The following TCF20 variants were observed in gnomAD, a reference collection of about 807,000 sequenced individuals.
TCF20 encodes the protein SPRE-binding protein.
TCF20 carries 3 observed loss-of-function variants against 148.6 expected under a neutral mutation model. The observed-to-expected ratio is 0.02, with a 90% CI of 0.01 to 0.05. The LOEUF (loss-of-function observed/expected upper bound fraction) is 0.05. Among genes scored for constraint, TCF20 ranks in the 10% least tolerant of loss-of-function variants. The pLI is 1.00. For synonymous variants in TCF20, 1,049 were observed against 909.5 expected (o/e 1.15, Z -2.76); for missense variants, 2,350 against 2,429.3 (o/e 0.97, Z 0.69).
chr22:42,262,008 T>C (rs899522602), intron 1 of TCF20, among the ~76,000 whole-genome samples: 1 of 151,176 alleles, frequency 6.6e-6, no homozygotes, highest in Non-Finnish European at 1.5e-5. Flanking sequence ...GTTCCAGAGG[T>C]GGGAAAGAGC....
chr22:42,309,121 C>T (rs1927486761), intron 1 of TCF20, among the ~76,000 whole-genome samples: 1 of 152,022 alleles, frequency 6.6e-6, no homozygotes, highest in Non-Finnish European at 1.5e-5. Context: ...GGGCAGGAGG[C>T]GGTGGACCAT....
intron 1 of TCF20, among the ~76,000 whole-genome samples, chr22:42,267,487 G>T (rs1403987502): frequency 6.6e-6 from 1 of 152,096 alleles, no homozygotes. Context: ...TGGATCATGA[G>T]GTCAAGAGAT....
chr22:42,307,565 T>A (rs1927457873), intron 1 of TCF20, among the ~76,000 whole-genome samples: 1 of 152,198 alleles, frequency 6.6e-6, no homozygotes, highest in African/African-American at 2.4e-5. Flanking sequence ...GCATGTACAT[T>A]CTGAAGCACT....
chr22:42,183,555 G>A (rs1936885479), intron 2 of TCF20, among the ~76,000 whole-genome samples: 1 of 152,150 alleles, frequency 6.6e-6, no homozygotes, highest in South Asian at 2.1e-4. Flanking sequence ...TTTTTAAAAG[G>A]CAAGGAAGCA....
intron 1 of TCF20, among the ~76,000 whole-genome samples, chr22:42,341,357 G>C (rs1180135939): frequency 6.6e-6 from 1 of 152,192 alleles, no homozygotes; most frequent in Non-Finnish European, 1.5e-5. Flanking sequence ...AACTCTCCCT[G>C]TTCCCCGGGA....
chr22:42,310,998 G>A (rs933737618), intron 1 of TCF20, among the ~76,000 whole-genome samples: 5 of 152,218 alleles, frequency 3.3e-5, no homozygotes, highest in African/African-American at 7.2e-5. Context: ...AAGAAAATAC[G>A]GCCTGGAGGG....
chr22:42,314,290 C>T (rs1178955323), intron 1 of TCF20, among the ~76,000 whole-genome samples: 2 of 152,248 alleles, frequency 1.3e-5, no homozygotes, highest in Non-Finnish European at 2.9e-5. Context: ...TAATGCGAAT[C>T]GCTTCTGTCA....
At chr22:42,201,729 T>C (rs900226884) in intron 2 of TCF20, among the ~76,000 whole-genome samples, 9 of 152,026 alleles carry the variant, frequency 5.9e-5, no homozygotes, top group African/African-American at 1.4e-4. Flanking sequence ...AATTGTGCCA[T>C]TGCGGTCCAG....
At chr22:42,198,975 A>T (rs1203404557) in intron 2 of TCF20, among the ~76,000 whole-genome samples, 1 of 151,998 alleles carries the variant, frequency 6.6e-6, no homozygotes, top group East Asian at 1.9e-4. Context: ...CCCTCCAAAT[A>T]TTTCCAATCT....
In TCF20 at chr22:42,307,180, G is replaced by A. The variant is rs1412766810; in HGVS notation, c.-37+36299C>T. Among the ~76,000 whole-genome samples the A allele has an allele frequency of 2.6e-5, 4 of 152,224 alleles. No homozygotes were observed. The South Asian group carries it at 6.2e-4, about 24-fold the overall frequency. On this transcript the variant is annotated intron_variant, in intron 1 of 1. Coordinates refer to the TCF20 transcript ENST00000515426. ...ATGCACCAAGGGAGGCAGCAGCAGA[G>A]GACGCCGGCTGCAGTAGCTACAACC...
At chr22:42,199,767 T>C (rs1220468838) in intron 2 of TCF20, among the ~76,000 whole-genome samples, 1 of 146,804 alleles carries the variant, frequency 6.8e-6, no homozygotes, top group Non-Finnish European at 1.5e-5. Context: ...GGAGAATCGC[T>C]TGAACCTGGG....
chr22:42,192,501 G>A (rs975159289), intron 2 of TCF20, among the ~76,000 whole-genome samples: 9 of 152,148 alleles, frequency 5.9e-5, no homozygotes, highest in African/African-American at 2.2e-4. Flanking sequence ...CCTATTCCTG[G>A]AAGTGGCAAG....
intron 2 of TCF20, among the ~76,000 whole-genome samples, chr22:42,195,316 C>T (rs1322257043): frequency 1.3e-5 from 2 of 151,462 alleles, no homozygotes; most frequent in African/African-American, 2.4e-5. Context: ...TACAAAGAAC[C>T]ACAAGGACAA....
upstream of TCF20, among the ~76,000 whole-genome samples, chr22:42,285,460 A>G: frequency 6.6e-6 from 1 of 151,798 alleles, no homozygotes. The surrounding 1 kb of genome is among the most constrained non-coding windows in gnomAD (Gnocchi z 4.2). Context: ...CCCTGCCCCT[A>G]CCAAGGGCTG....
chr22:42,230,298 C>T (rs1923283162), intron 1 of TCF20, among the ~76,000 whole-genome samples: 1 of 152,192 alleles, frequency 6.6e-6, no homozygotes. Flanking sequence ...CTGTAGCTGT[C>T]ATAATGCAAC....
chr22:42,216,078 C>CTTTTTTTTT (rs1569156309), intron 1 of TCF20, among the ~76,000 whole-genome samples: 2 of 53,786 alleles, frequency 3.7e-5, no homozygotes, highest in Non-Finnish European at 7.6e-5. Context: ...AAAACCAAAT[C>CTTTTTTTTT]CTTTTTTTTT....
At chr22:42,199,706 CAAAA>C (rs59845847) in intron 2 of TCF20, among the ~76,000 whole-genome samples, 283 of 33,786 alleles carry the variant, frequency 8.4e-3, no homozygotes, top group East Asian at 0.072. Context: ...CCCATCTCTA[CAAAA>C]AAAAAAAAAA....
At chr22:42,265,891 G>A (rs1926260605) in intron 1 of TCF20, among the ~76,000 whole-genome samples, 3 of 152,056 alleles carry the variant, frequency 2.0e-5, no homozygotes, top group South Asian at 4.1e-4. Context: ...ACAGAATGAC[G>A]GAATTAAGTA....
At chr22:42,269,016 C>T (rs541064609) in intron 1 of TCF20, among the ~76,000 whole-genome samples, 49 of 152,352 alleles carry the variant, frequency 3.2e-4, no homozygotes, top group African/African-American at 1.1e-3. Flanking sequence ...GGAGTCCTCA[C>T]TTAACAGATG....
Sources: gnomAD v4.1 joint callset for allele counts (sites outside exome capture counted in the v4.1 genomes callset) on GRCh38, gnomAD v4.1.1 for gene constraint, Gnocchi (gnomAD v3.1) non-coding constraint, MANE v1.5 for transcripts, NCBI Gene and HGNC (gene_info 2026-07-23, HGNC 2026-07-21) for gene names.